CLK1: variants seen among roughly 807,000 people sequenced by gnomAD.
CLK1 encodes CDC like kinase 1.
In CLK1, 40 loss-of-function variants were observed where a neutral mutation model predicts 60.9. The observed-to-expected ratio is 0.66, with a 90% CI of 0.51 to 0.86. CLK1 has a LOEUF of 0.86. Among genes scored for constraint, CLK1 ranks in the 40% least tolerant of loss-of-function variants. CLK1 has a pLI of 0.00. For missense variants in CLK1, 563 were observed against 606.1 expected, an observed-to-expected ratio of 0.93 and a Z score of 0.75; for synonymous variants, 203 against 184.4, an observed-to-expected ratio of 1.10 and a Z score of -0.82.
intron 1 of CLK1, among the ~76,000 whole-genome samples, chr2:200,862,916 C>G (rs140004320): frequency 1.1e-4 from 16 of 152,012 alleles, no homozygotes; most frequent in Non-Finnish European, 2.2e-4. Flanking sequence ...CAACAAAACA[C>G]CATCTTTCCA....
At chr2:200,858,240 G>A (rs993981652) in intron 5 of CLK1, 151 bp from the exon 6 acceptor site, 8 of 645,760 alleles carry the variant, frequency 1.2e-5, no homozygotes, top group Non-Finnish European at 2.2e-5. Context: ...CATGCTGAAT[G>A]ACACAAATTT....
chr2:200,859,859 CTAGAT>C, intron 4 of CLK1, 113 bp from the exon 5 acceptor site: 1 of 1,505,000 alleles, frequency 6.6e-7, no homozygotes, highest in Non-Finnish European at 8.9e-7. Context: ...TTCCTTATCA[CTAGAT>C]ATTTTATTGG....
At chr2:200,861,157 A>T in intron 3 of CLK1, 81 bp downstream of exon 3, 1 of 1,541,598 alleles carries the variant, frequency 6.5e-7, no homozygotes, top group Non-Finnish European at 8.7e-7. Flanking sequence ...AAACTTTCTC[A>T]AATAATCAAA....
At chr2:200,858,894 G>A (rs545671028) in intron 5 of CLK1, among the ~76,000 whole-genome samples, 1 of 151,276 alleles carries the variant, frequency 6.6e-6, no homozygotes. Context: ...AAATTTCATG[G>A]CTGGAGCCAA....
chr2:200,857,157 T>C (rs1251504373), intron 7 of CLK1, 172 bp from the exon 8 acceptor site: 2 of 596,494 alleles, frequency 3.4e-6, no homozygotes, highest in Non-Finnish European at 5.9e-6. Context: ...ATTACAAAAA[T>C]TGGCCGGGTG....
Position 200,859,743 on chromosome 2 carries a change from T to G in CLK1, c.485A>C (p.Glu162Ala). 1.2e-6 allele frequency: 2 copies of G among 1,613,320 alleles called. No homozygotes were observed. Among genetic ancestry groups the G allele is most frequent in the Non-Finnish European group, 1.7e-6 (2 of 1,179,630 alleles). Residue 162 changes from glutamate (E) to alanine (A), a missense_variant, in exon 5 of 13, where the codon GAA becomes GCA. Coordinates refer to ENST00000321356, the MANE Select transcript of CLK1 (RefSeq NM_004071.4). ...QSGDVLSARY[E>A]IVDTLGEGAF... Reference sequence around the variant, plus strand: ...TCCTTCACCTAAAGTATCAACAATTTCATCTAAAAGAGAGAAATAAATCTC... The same window carrying G: ...TCCTTCACCTAAAGTATCAACAATTGCATCTAAAAGAGAGAAATAAATCTC...
chr2:200,854,885 AG>A, intron 10 of CLK1, 118 bp downstream of exon 10: 1 of 808,146 alleles, frequency 1.2e-6, no homozygotes, highest in Non-Finnish European at 2.0e-6. Context: ...AATATGAATT[AG>A]TTTATTTATG....
At chr2:200,856,553 TG>T in intron 9 of CLK1, 128 bp downstream of exon 9, 1 of 676,026 alleles carries the variant, frequency 1.5e-6, no homozygotes, top group South Asian at 2.6e-5. Context: ...AAATCCATAA[TG>T]CACTTCATGA....
In CLK1 at chr2:200,864,256, A is replaced by G. The variant is rs779868131; in HGVS notation, c.-1+308T>C. 13 of 1,521,216 alleles carry G rather than the reference A, an allele frequency of 8.5e-6. No homozygotes were observed. In the South Asian group the frequency reaches 1.5e-4, roughly 17 times the overall value. 94.2% of individuals were successfully genotyped at this position (1,521,216 alleles called of 1,614,324 possible). On this transcript the variant is annotated intron_variant, in intron 1 of 12. Transcript: ENST00000321356. ...CAGCTCCGCCGAGGCGGTTCACAAC[A>G]TGGCGCCCGCCCGACCGTCCCGCGT...
chr2:200,863,976 G>T, intron 1 of CLK1: 2 of 1,084,234 alleles, frequency 1.8e-6, no homozygotes, highest in Non-Finnish European at 1.2e-6. Context: ...CTCTTTCCTT[G>T]GGTTCCTAAA....
intron 12 of CLK1, 104 bp from the exon 13 acceptor site, chr2:200,853,553 A>G: frequency 9.0e-7 from 1 of 1,113,806 alleles, no homozygotes; most frequent in Non-Finnish European, 1.2e-6. Context: ...ATAAAAACAG[A>G]AAAGAGGCCA....
At position 200,860,165 on chromosome 2, in the gene CLK1, A is replaced by C. The variant is rs1260375294; in HGVS notation, c.441T>G (p.Gly147=). ...RTRSVEDDEE[G]HLICQSGDVL... ...CGTCTCCACTCTGACAGATCAGGTG[A>C]CCCTCCTCATCATCCTCTACACTCC... The change falls in exon 4 of 13, where the codon GGT becomes GGG. Residue 147 remains glycine, a synonymous_variant. Coordinates refer to ENST00000321356, the MANE Select transcript of CLK1 (RefSeq NM_004071.4). 1 of 1,614,080 alleles carries C rather than the reference A, an allele frequency of 6.2e-7. No individual in the cohort carries two copies. The highest frequency in any genetic ancestry group is 8.5e-7 in the Non-Finnish European group (1 of 1,180,016).
chr2:200,863,457 C>CT, intron 1 of CLK1, among the ~76,000 whole-genome samples: 1 of 152,236 alleles, frequency 6.6e-6, no homozygotes, highest in South Asian at 2.1e-4. Flanking sequence ...ACTCAGGAGG[C>CT]TGAGGTGGGA....
At chr2:200,862,149 T>G (rs1481374673) in intron 1 of CLK1, among the ~76,000 whole-genome samples, 2 of 151,156 alleles carry the variant, frequency 1.3e-5, no homozygotes, top group African/African-American at 4.9e-5. Flanking sequence ...CACAATTTAC[T>G]AATTTTGGTA....
chr2:200,858,452 T>G (rs1478457019), intron 5 of CLK1, among the ~76,000 whole-genome samples: 1 of 152,202 alleles, frequency 6.6e-6, no homozygotes, highest in Non-Finnish European at 1.5e-5. Flanking sequence ...ATCCCAGCAC[T>G]TTGGGAGGCC....
chr2:200,860,577 G>A (rs970520604), intron 3 of CLK1: 26 of 1,012,160 alleles, frequency 2.6e-5, no homozygotes, highest in South Asian at 4.4e-5. Context: ...TTGCAAAATC[G>A]TATGATGTAA....
intron 1 of CLK1, chr2:200,864,207 G>C: frequency 1.3e-6 from 2 of 1,549,592 alleles, no homozygotes; most frequent in Middle Eastern, 3.3e-4. Flanking sequence ...GGCCGAAGCC[G>C]GCCTCCGCCC....
chr2:200,854,507 G>C (rs1328153127), intron 11 of CLK1, 109 bp downstream of exon 11: 3 of 686,370 alleles, frequency 4.4e-6, no homozygotes, highest in Admixed American at 2.4e-5. Flanking sequence ...CTGCACTCCA[G>C]CCTGGGCAAC....
chr2:200,861,612 A>C (rs1241261203), intron 2 of CLK1, 90 bp downstream of exon 2: 8 of 1,561,852 alleles, frequency 5.1e-6, no homozygotes, highest in Non-Finnish European at 6.9e-6. Context: ...GAAACAAACG[A>C]ATGGTAGTAA....
Sources: gnomAD v4.1 joint callset for allele counts (sites outside exome capture counted in the v4.1 genomes callset) on GRCh38, gnomAD v4.1.1 for gene constraint, MANE v1.5 for transcripts, NCBI Gene and HGNC (gene_info 2026-07-23, HGNC 2026-07-21) for gene names.